PLD5: variants seen among roughly 807,000 people sequenced by gnomAD.
PLD5 encodes the protein phospholipase D family member 5.
PLD5 carries 36 observed loss-of-function variants against 61.1 expected under a neutral mutation model. That is an observed-to-expected ratio of 0.59 (90% CI 0.45 to 0.78). The LOEUF (loss-of-function observed/expected upper bound fraction) is 0.78, where lower values mean the gene tolerates loss of function less well. PLD5 is among the 30% of genes least tolerant of loss of function. The pLI is 0.00. For synonymous variants in PLD5, 243 were observed against 242.8 expected, an observed-to-expected ratio of 1.00 and a Z score of -0.01; for missense variants, 515 against 644.4, an observed-to-expected ratio of 0.80 and a Z score of 2.17.
intron 1 of PLD5, among the ~76,000 whole-genome samples, chr1:242,356,466 G>A (rs1377670569): frequency 1.3e-5 from 2 of 151,914 alleles, no homozygotes; most frequent in African/African-American, 4.8e-5. Flanking sequence ...TTTGAAAAGT[G>A]AAGTGTGTAG....
intron 1 of PLD5, among the ~76,000 whole-genome samples, chr1:242,471,408 G>A (rs191156475): frequency 6.6e-6 from 1 of 152,284 alleles, no homozygotes; most frequent in East Asian, 1.9e-4. Flanking sequence ...GAGGCAGCAG[G>A]AAGTGAAGGT....
chr1:242,376,948 T>G, intron 1 of PLD5: 1 of 1,609,382 alleles, frequency 6.2e-7, no homozygotes. Flanking sequence ...CTCATCCTTT[T>G]GGATTTGATG....
chr1:242,240,178 C>G (rs1421751802), intron 4 of PLD5, among the ~76,000 whole-genome samples: 1 of 152,180 alleles, frequency 6.6e-6, no homozygotes, highest in Admixed American at 6.5e-5. Flanking sequence ...CCCTAACTCA[C>G]AGGTCTTTCC....
At chr1:242,480,743 A>C (rs1572218213) in intron 1 of PLD5, among the ~76,000 whole-genome samples, 2 of 152,212 alleles carry the variant, frequency 1.3e-5, no homozygotes, top group African/African-American at 4.8e-5. Flanking sequence ...ACCATATAAA[A>C]AGATGCTCAA....
At chr1:242,455,129 G>A (rs772027780) in intron 1 of PLD5, among the ~76,000 whole-genome samples, 3 of 152,154 alleles carry the variant, frequency 2.0e-5, no homozygotes, top group Admixed American at 6.5e-5. Flanking sequence ...AACTCAAACT[G>A]CTCAAGTTTT....
At chr1:242,409,207 C>T (rs1312264279) in intron 1 of PLD5, among the ~76,000 whole-genome samples, 2 of 152,098 alleles carry the variant, frequency 1.3e-5, no homozygotes, top group Admixed American at 1.3e-4. Flanking sequence ...CAGACACAAC[C>T]TTCCTGTTTC....
chr1:242,390,607 T>C (rs1219539506), intron 1 of PLD5, among the ~76,000 whole-genome samples: 1 of 152,162 alleles, frequency 6.6e-6, no homozygotes, highest in Non-Finnish European at 1.5e-5. Flanking sequence ...AGAGATGATG[T>C]GTGCACAGCT....
rs1659392616 is a variant in PLD5 at position 242,085,113 on chromosome 1, G to A, written c.*4741C>T. On this transcript the variant is annotated 3_prime_UTR_variant, in exon 10 of 10. Transcript: ENST00000536534. Reference sequence around the variant, plus strand: ...AAGGTTAATAATATAGATATGTCCAGGTACAAGTTTATCCTATTTACATAA... The same window carrying A: ...AAGGTTAATAATATAGATATGTCCAAGTACAAGTTTATCCTATTTACATAA... 6.6e-6 allele frequency: 1 copy of A among 151,994 alleles called. No homozygotes were observed. Among genetic ancestry groups the A allele is most frequent in the South Asian group, 2.1e-4 (1 of 4,824 alleles). 9.4% of individuals were successfully genotyped at this position (151,994 alleles called of 1,614,324 possible).
chr1:242,521,615 T>C (rs995454169), intron 1 of PLD5, among the ~76,000 whole-genome samples: 3 of 105,348 alleles, frequency 2.8e-5, no homozygotes, highest in Non-Finnish European at 6.7e-5. Context: ...ATGATCTCCA[T>C]CATAATTATT....
chr1:242,299,314 T>C (rs981308160), intron 2 of PLD5, among the ~76,000 whole-genome samples: 48 of 152,202 alleles, frequency 3.2e-4, no homozygotes, highest in Admixed American at 5.9e-4. Flanking sequence ...AATTATAAAA[T>C]ATACAATTAA....
chr1:242,177,553 T>G (rs1452693488), intron 5 of PLD5, among the ~76,000 whole-genome samples: 1 of 152,070 alleles, frequency 6.6e-6, no homozygotes. Flanking sequence ...ACCCTAGAAC[T>G]TATAAAAATA....
chr1:242,143,577 T>C (rs1664330415), intron 5 of PLD5, among the ~76,000 whole-genome samples: 1 of 152,128 alleles, frequency 6.6e-6, no homozygotes, highest in African/African-American at 2.4e-5. Context: ...AAAAACAGCA[T>C]AAATAAAGGT....
chr1:242,273,579 T>C (rs1353162841), intron 3 of PLD5, among the ~76,000 whole-genome samples: 1 of 152,192 alleles, frequency 6.6e-6, no homozygotes, highest in Non-Finnish European at 1.5e-5. Context: ...TTAATCAGGC[T>C]GTTAGCAGGC....
chr1:242,194,578 C>A (rs200727516), intron 5 of PLD5, among the ~76,000 whole-genome samples: 1 of 69,926 alleles, frequency 1.4e-5, no homozygotes, highest in East Asian at 8.4e-4. Flanking sequence ...ATCTATCTAT[C>A]TATCTATCTA....
intron 1 of PLD5, among the ~76,000 whole-genome samples, chr1:242,463,471 A>C (rs954463650): frequency 6.6e-6 from 1 of 152,076 alleles, no homozygotes; most frequent in Non-Finnish European, 1.5e-5. Flanking sequence ...TACTCCATTC[A>C]TTCATCCAGT....
At position 242,232,775 on chromosome 1, in the gene PLD5, G is replaced by A. The variant is rs117839986; in HGVS notation, c.608-12660C>T. On this transcript the variant is annotated intron_variant, in intron 4 of 9. Coordinates refer to ENST00000536534, the MANE Select transcript of PLD5 (RefSeq NM_001372062.1). ...GGAGACTTACTTGAACCCAAGAGGC[G>A]GAGGCTGCAGTGAGCTAAGATCATG... is the stretch of plus-strand genomic sequence containing the variant. Among the ~76,000 whole-genome samples the A allele has an allele frequency of 5.3e-3, 810 of 152,240 alleles. 9 individuals carry two copies. Among genetic ancestry groups the A allele is most frequent in the East Asian group, 0.023 (121 of 5,166 alleles).
At position 242,215,537 on chromosome 1, in the gene PLD5, T is replaced by C. The variant is rs571168179; in HGVS notation, c.735+4451A>G. Among the ~76,000 whole-genome samples the C allele has an allele frequency of 3.3e-5, 5 of 152,246 alleles. No individual in the cohort carries two copies. The South Asian group carries it at 6.2e-4, about 19-fold the overall frequency. The stretch of plus-strand genomic sequence containing the variant: ...CTCTCAAGACATAAAACCTGCAGTT[T>C]TATGGAAAGATGTGAACAGTAATGT... On this transcript the variant is annotated intron_variant, in intron 5 of 9. Transcript: ENST00000536534.
chr1:242,356,809 C>A (rs1660778141), intron 1 of PLD5, among the ~76,000 whole-genome samples: 1 of 152,044 alleles, frequency 6.6e-6, no homozygotes, highest in Non-Finnish European at 1.5e-5. Context: ...TGTAACAATT[C>A]TGCACTTTTA....
In PLD5 at chr1:242,359,277, G is replaced by C. The variant is rs377010575; in HGVS notation, c.190-11035C>G. 1.2e-3 allele frequency among the ~76,000 whole-genome samples: 183 copies of C among 152,258 alleles called. 1 individual carries two copies. The highest frequency in any genetic ancestry group is 4.2e-3 in the African/African-American group (174 of 41,550). On this transcript the variant is annotated intron_variant, in intron 1 of 9. Coordinates refer to ENST00000536534, the MANE Select transcript of PLD5 (RefSeq NM_001372062.1). ...TTCCTGGGAAGTGTCAGAGAAGTTAGATGTCTACCTCCTCACCTCTCTTTT... is the reference window on the plus strand; with the variant it reads ...TTCCTGGGAAGTGTCAGAGAAGTTACATGTCTACCTCCTCACCTCTCTTTT...
Sources: allele counts gnomAD v4.1 joint callset (sites outside exome capture counted in the v4.1 genomes callset), GRCh38; gene constraint gnomAD v4.1.1; transcripts MANE v1.5; gene names NCBI Gene and HGNC (gene_info 2026-07-23, HGNC 2026-07-21).